USP15: variants seen among roughly 807,000 people sequenced by gnomAD.
USP15 encodes the protein ubiquitin specific peptidase 15.
In USP15, 18 loss-of-function variants were observed where a neutral mutation model predicts 127.1. The ratio of observed to expected loss-of-function variants is 0.14; its 90% CI spans 0.10 to 0.21. The LOEUF is 0.21. Among genes scored for constraint, USP15 ranks in the 10% least tolerant of loss-of-function variants. The pLI is 1.00. For synonymous variants in USP15, 364 were observed against 393.7 expected (o/e 0.92, Z 0.89); for missense variants, 805 against 1,159.9 (o/e 0.69, Z 4.44).
At chr12:62,325,530 C>T (rs2065101287) in intron 5 of USP15, among the ~76,000 whole-genome samples, 1 of 152,046 alleles carries the variant, frequency 6.6e-6, no homozygotes, top group Non-Finnish European at 1.5e-5. Flanking sequence ...TCTGTTCAAC[C>T]TACAAATACA....
At chr12:62,281,477 C>G (rs921288529) in intron 1 of USP15, among the ~76,000 whole-genome samples, 1 of 152,070 alleles carries the variant, frequency 6.6e-6, no homozygotes, top group Non-Finnish European at 1.5e-5. Flanking sequence ...GCTGGGGTTA[C>G]AAAAGTATGC....
chr12:62,350,768 A>G (rs910025555), intron 7 of USP15, among the ~76,000 whole-genome samples: 17 of 151,962 alleles, frequency 1.1e-4, no homozygotes, highest in African/African-American at 4.1e-4. Flanking sequence ...GGATTACAGC[A>G]CACGCCACTA....
At chr12:62,317,246 ATGGTT>A (rs2064857546) in intron 4 of USP15, among the ~76,000 whole-genome samples, 1 of 152,196 alleles carries the variant, frequency 6.6e-6, no homozygotes, top group Non-Finnish European at 1.5e-5. Context: ...CTTCATGGTT[ATGGTT>A]ATAGTACAGG....
intron 18 of USP15, among the ~76,000 whole-genome samples, chr12:62,392,813 C>G (rs1297256111): frequency 6.6e-6 from 1 of 152,086 alleles, no homozygotes; most frequent in Non-Finnish European, 1.5e-5. Flanking sequence ...GAGAAATAAT[C>G]TAGCCCTCAT....
intron 8 of USP15, among the ~76,000 whole-genome samples, chr12:62,379,307 TGAAAA>T (rs1371858306): frequency 2.0e-5 from 3 of 151,728 alleles, no homozygotes; most frequent in Admixed American, 1.3e-4. Flanking sequence ...CTGGAACAGT[TGAAAA>T]GAAAAGGGTA....
chr12:62,378,313 T>C (rs2066892733), intron 8 of USP15, among the ~76,000 whole-genome samples: 1 of 152,214 alleles, frequency 6.6e-6, no homozygotes, highest in Admixed American at 6.5e-5. Context: ...CATCTTAGTT[T>C]TTAAACTAAT....
intron 3 of USP15, among the ~76,000 whole-genome samples, chr12:62,305,441 A>G (rs993452177): frequency 6.6e-6 from 1 of 152,182 alleles, no homozygotes; most frequent in Non-Finnish European, 1.5e-5. Flanking sequence ...TGACTAAGAA[A>G]ATAATCCTTC....
chr12:62,289,545 GAACT>G (rs1469722311), intron 1 of USP15, among the ~76,000 whole-genome samples: 3 of 151,906 alleles, frequency 2.0e-5, no homozygotes, highest in Non-Finnish European at 4.4e-5. Flanking sequence ...TCTTTTCAAA[GAACT>G]AACTTTTCAT....
rs114607460 is a variant in USP15, at chr12:62,289,976, C to A, written c.90-4203C>A. Among the ~76,000 whole-genome samples the A allele has an allele frequency of 8.7e-3, 1,329 of 151,980 alleles. 19 individuals are homozygous for A. Among genetic ancestry groups the A allele is most frequent in the African/African-American group, 0.029 (1,209 of 41,416 alleles). ...TATTTCACTGTGGTTTAAGAAGATACTTGATATGATTTCAATTTAAAAAAA... is the reference window on the plus strand; with the variant it reads ...TATTTCACTGTGGTTTAAGAAGATAATTGATATGATTTCAATTTAAAAAAA... On this transcript the variant is annotated intron_variant, in intron 1 of 21. Coordinates refer to ENST00000280377, the MANE Select transcript of USP15 (RefSeq NM_001252078.2).
chr12:62,375,213 C>A (rs1006934482), intron 8 of USP15, among the ~76,000 whole-genome samples: 8 of 151,978 alleles, frequency 5.3e-5, no homozygotes, highest in Non-Finnish European at 7.4e-5. Flanking sequence ...ATACCTTTTC[C>A]TTACGGATTT....
intron 6 of USP15, chr12:62,334,295 A>G (rs1177901614): frequency 6.6e-6 from 1 of 152,202 alleles, no homozygotes; most frequent in African/African-American, 2.4e-5. Flanking sequence ...ATGGGTTGCA[A>G]GTTTTGGTGC....
intron 1 of USP15, among the ~76,000 whole-genome samples, chr12:62,273,404 A>G (rs918599761): frequency 1.6e-4 from 25 of 152,030 alleles, no homozygotes; most frequent in Non-Finnish European, 8.8e-5. Context: ...TGTTTTGCCA[A>G]CCACTTTATT....
chr12:62,353,494 A>G (rs1187582645), intron 7 of USP15, among the ~76,000 whole-genome samples: 1 of 151,776 alleles, frequency 6.6e-6, no homozygotes, highest in Non-Finnish European at 1.5e-5. Context: ...TATAGGCATG[A>G]CCATGCATTT....
chr12:62,314,879 T>C lies in USP15; in HGVS notation c.438T>C (p.Asn146=), dbSNP rs752336183. 1.3e-6 allele frequency: 2 copies of C among 1,595,622 alleles called. No individual in the cohort carries two copies. The highest frequency in any genetic ancestry group is 2.3e-5 in the East Asian group (1 of 43,674). ...TATGTGAAAATGGAAACATGAATAA[T>C]GTTGTAACTCGAAGATTTAGCAAAG... ...LKLCENGNMN[N]VVTRRFSKAD... Residue 146 remains asparagine, a synonymous_variant, in exon 4 of 22, where the codon AAT becomes AAC. Coordinates refer to ENST00000280377, the MANE Select transcript of USP15 (RefSeq NM_001252078.2).
chr12:62,376,931 A>T (rs760655951), intron 8 of USP15, among the ~76,000 whole-genome samples: 7 of 152,188 alleles, frequency 4.6e-5, no homozygotes, highest in Non-Finnish European at 8.8e-5. Context: ...TTGTTTTGGG[A>T]TAGTCTCATC....
At chr12:62,359,883 G>A (rs1198947940) in intron 8 of USP15, among the ~76,000 whole-genome samples, 2 of 152,074 alleles carry the variant, frequency 1.3e-5, no homozygotes, top group Non-Finnish European at 2.9e-5. Flanking sequence ...ATGATTATAG[G>A]CATATACCAC....
At chr12:62,386,407 T>C (rs1157332006) in intron 11 of USP15, among the ~76,000 whole-genome samples, 1 of 152,030 alleles carries the variant, frequency 6.6e-6, no homozygotes, top group Non-Finnish European at 1.5e-5. Flanking sequence ...GCTAGAAATA[T>C]AATGGTGTTT....
chr12:62,309,808 A>G (rs2064602801), intron 3 of USP15, among the ~76,000 whole-genome samples: 1 of 151,936 alleles, frequency 6.6e-6, no homozygotes, highest in African/African-American at 2.4e-5. Context: ...AGATACAAAG[A>G]ACATTTGATG....
chr12:62,408,462 T>C lies in USP15; in HGVS notation c.*4087T>C, dbSNP rs909375680. 1 of 152,024 alleles carries C rather than the reference T, an allele frequency of 6.6e-6. No individual in the cohort carries two copies. Among genetic ancestry groups the C allele is most frequent in the African/African-American group, 2.4e-5 (1 of 41,398 alleles). 9.4% of individuals were successfully genotyped at this position (152,024 alleles called of 1,614,324 possible). On this transcript the variant is annotated 3_prime_UTR_variant, in exon 22 of 22. Transcript: ENST00000280377. ...AAGGAACCAGAGGTCCTCTAAAATA[T>C]CAGAGGAGTGAGAAGGAAAGGAAGA...
Sources: gnomAD v4.1 joint callset for allele counts (sites outside exome capture counted in the v4.1 genomes callset) on GRCh38, gnomAD v4.1.1 for gene constraint, MANE v1.5 for transcripts, NCBI Gene and HGNC (gene_info 2026-07-23, HGNC 2026-07-21) for gene names.